The following PPP2R2B variants were observed in gnomAD, a reference collection of about 807,000 sequenced individuals.
PPP2R2B encodes the protein serine/threonine-protein phosphatase 2A 55 kDa regulatory subunit B beta isoform.
PPP2R2B carries 5 observed loss-of-function variants against 46.0 expected under a neutral mutation model. The observed-to-expected ratio is 0.11, with a 90% CI of 0.06 to 0.23. The LOEUF is 0.23. PPP2R2B is among the 10% of genes least tolerant of loss of function. The pLI is 1.00. For synonymous variants in PPP2R2B, 215 were observed against 206.7 expected (o/e 1.04, Z -0.34); for missense variants, 367 against 575.0 (o/e 0.64, Z 3.70).
chr5:147,023,242 G>C (rs1296130314), intron 1 of PPP2R2B, among the ~76,000 whole-genome samples: 1 of 152,044 alleles, frequency 6.6e-6, no homozygotes, highest in Non-Finnish European at 1.5e-5. Context: ...ATAAATCCTA[G>C]AGCAACCACT....
chr5:146,650,428 G>A (rs1775876381), intron 6 of PPP2R2B, 119 bp downstream of exon 6: 6 of 881,834 alleles, frequency 6.8e-6, no homozygotes, highest in Non-Finnish European at 1.0e-5. Flanking sequence ...ATTTTAAAAG[G>A]GGCAAGTTCT....
At chr5:146,792,874 C>G (rs926740133) in intron 2 of PPP2R2B, among the ~76,000 whole-genome samples, 12 of 152,036 alleles carry the variant, frequency 7.9e-5, no homozygotes, top group African/African-American at 2.7e-4. Context: ...ATCATAAGGG[C>G]CCTTTTTTAC....
At chr5:146,590,794 T>C (rs1201572743) in intron 9 of PPP2R2B, among the ~76,000 whole-genome samples, 1 of 152,112 alleles carries the variant, frequency 6.6e-6, no homozygotes, top group African/African-American at 2.4e-5. Flanking sequence ...AGCTCTGAAT[T>C]CGGCCTTTTT....
intron 2 of PPP2R2B, among the ~76,000 whole-genome samples, chr5:147,079,042 T>C (rs1056197549): frequency 6.6e-6 from 1 of 152,058 alleles, no homozygotes; most frequent in African/African-American, 2.4e-5. Flanking sequence ...CACAGTGCTG[T>C]CATGTAGAAG....
intron 1 of PPP2R2B, among the ~76,000 whole-genome samples, chr5:147,048,329 G>A (rs918732634): frequency 6.6e-6 from 1 of 152,142 alleles, no homozygotes; most frequent in Non-Finnish European, 1.5e-5. Context: ...TTTTGGCTGG[G>A]TGGTTTTCAA....
chr5:146,782,478 C>T (rs1347998015), intron 2 of PPP2R2B, among the ~76,000 whole-genome samples: 4 of 152,122 alleles, frequency 2.6e-5, no homozygotes, highest in Admixed American at 6.6e-5. Flanking sequence ...GTTATAAAGC[C>T]CAAAGAGATG....
At chr5:146,697,142 G>A (rs958009557) in intron 4 of PPP2R2B, among the ~76,000 whole-genome samples, 1 of 152,076 alleles carries the variant, frequency 6.6e-6, no homozygotes, top group African/African-American at 2.4e-5. Context: ...ACTCACATAT[G>A]AGATAAAATG....
chr5:146,862,870 A>AC (rs1316286835), intron 2 of PPP2R2B, among the ~76,000 whole-genome samples: 8 of 151,708 alleles, frequency 5.3e-5, no homozygotes, highest in African/African-American at 1.9e-4. Context: ...AAAAAAAAAA[A>AC]AAAAAAACCC....
At chr5:146,655,066 C>T (rs187665474) in intron 5 of PPP2R2B, among the ~76,000 whole-genome samples, 62 of 152,282 alleles carry the variant, frequency 4.1e-4, no homozygotes, top group Non-Finnish European at 8.1e-4. Flanking sequence ...CTTGGCCTGT[C>T]TGCAGGTGGT....
intron 1 of PPP2R2B, among the ~76,000 whole-genome samples, chr5:146,999,013 C>CAAAAAAAA (rs60753702): frequency 1.8e-4 from 12 of 65,306 alleles, no homozygotes; most frequent in South Asian, 7.5e-4. Context: ...GACTCCATAT[C>CAAAAAAAA]AAAAAAAAAA....
intron 7 of PPP2R2B, among the ~76,000 whole-genome samples, chr5:146,620,209 G>A (rs556315560): frequency 2.7e-4 from 41 of 152,326 alleles, no homozygotes; most frequent in Non-Finnish European, 4.9e-4. Context: ...AAAGAAAGGG[G>A]AAGCGAAAAC....
At chr5:146,707,287 A>T (rs1227070748) in intron 2 of PPP2R2B, 2 of 1,546,874 alleles carry the variant, frequency 1.3e-6, no homozygotes, top group Non-Finnish European at 1.8e-6. Flanking sequence ...CAGGAACCGT[A>T]CCTTGTCGAC....
At position 147,001,074 on chromosome 5, in the gene PPP2R2B, C is replaced by A. The variant is rs182831958; in HGVS notation, c.79+54591G>T. 3.8e-3 allele frequency among the ~76,000 whole-genome samples: 577 copies of A among 152,216 alleles called. 3 individuals carry two copies. The highest frequency in any genetic ancestry group is 0.011 in the African/African-American group (459 of 41,544). ...CTGTCTGGCTAAAGGTTTGTAAATT[C>A]TCCAATCAGCACTCTGTAAAAACAG... On this transcript the variant is annotated intron_variant, in intron 1 of 8. Transcript: ENST00000336640.
At chr5:147,042,018 A>G (rs1011267398) in intron 1 of PPP2R2B, among the ~76,000 whole-genome samples, 2 of 152,054 alleles carry the variant, frequency 1.3e-5, no homozygotes, top group African/African-American at 4.8e-5. Flanking sequence ...CAGCACATCC[A>G]AGAATGCAAT....
intron 7 of PPP2R2B, among the ~76,000 whole-genome samples, chr5:146,605,441 C>T (rs1339392192): frequency 1.3e-5 from 2 of 152,202 alleles, no homozygotes; most frequent in Admixed American, 1.3e-4. Flanking sequence ...TCCAAAGTGA[C>T]TTCAGCAAAA....
At chr5:146,966,339 CT>C (rs1203973758) in intron 1 of PPP2R2B, among the ~76,000 whole-genome samples, 1 of 152,190 alleles carries the variant, frequency 6.6e-6, no homozygotes, top group Non-Finnish European at 1.5e-5. Flanking sequence ...CTTGTCCACA[CT>C]GATTTCAGCT....
chr5:146,996,370 G>A (rs1319675744), intron 1 of PPP2R2B, among the ~76,000 whole-genome samples: 1 of 152,148 alleles, frequency 6.6e-6, no homozygotes, highest in Non-Finnish European at 1.5e-5. Flanking sequence ...AGATAATTAG[G>A]TTCTTCTAAG....
chr5:146,721,748 C>G (rs915959896), intron 2 of PPP2R2B, among the ~76,000 whole-genome samples: 1 of 152,212 alleles, frequency 6.6e-6, no homozygotes, highest in African/African-American at 2.4e-5. Flanking sequence ...CTCATTCACT[C>G]AACAAACATT....
chr5:146,855,573 A>G (rs1760608830), intron 2 of PPP2R2B, among the ~76,000 whole-genome samples: 1 of 152,108 alleles, frequency 6.6e-6, no homozygotes, highest in African/African-American at 2.4e-5. Flanking sequence ...GCTCTATGAT[A>G]AAATATTTAT....
Sources: gnomAD v4.1 joint callset for allele counts (sites outside exome capture counted in the v4.1 genomes callset) on GRCh38, gnomAD v4.1.1 for gene constraint, MANE v1.5 for transcripts, NCBI Gene and HGNC (gene_info 2026-07-23, HGNC 2026-07-21) for gene names.